Variants in TMEM229B observed in about 807,000 individuals in gnomAD.
TMEM229B encodes the protein chromosome 14 open reading frame 83.
TMEM229B carries 6 observed loss-of-function variants against 13.7 expected under a neutral mutation model. That is an observed-to-expected ratio of 0.44 (90% confidence interval 0.24 to 0.86). The LOEUF is 0.86. Among genes scored for constraint, TMEM229B ranks in the 40% least tolerant of loss-of-function variants. The pLI, the probability that TMEM229B is intolerant of heterozygous loss-of-function variation, is 0.23. For synonymous variants in TMEM229B, 107 were observed against 102.1 expected (o/e 1.05, Z -0.29); for missense variants, 170 against 236.0 (o/e 0.72, Z 1.83).
chr14:67,472,535 G>A lies in TMEM229B; in HGVS notation c.*885C>T, dbSNP rs12435581. Reference sequence around the variant, plus strand: ...CAGCCCACTAGACCGGGGGTAGGGAGGTGTAACTCAGGAACTCCCCAGGCA... The same window carrying A: ...CAGCCCACTAGACCGGGGGTAGGGAAGTGTAACTCAGGAACTCCCCAGGCA... On this transcript the variant is annotated 3_prime_UTR_variant, in exon 3 of 3. Coordinates refer to ENST00000554480, the MANE Select transcript of TMEM229B (RefSeq NM_001348543.2). 0.055 allele frequency: 8,436 copies of A among 152,422 alleles called. 320 individuals carry two copies. The highest frequency in any genetic ancestry group is 0.14 in the South Asian group (678 of 4,796). 9.4% of individuals were successfully genotyped at this position (152,422 alleles called of 1,614,324 possible).
intron 1 of TMEM229B, among the ~76,000 whole-genome samples, chr14:67,531,223 A>G (rs568422804): frequency 1.3e-5 from 2 of 152,116 alleles, no homozygotes; most frequent in South Asian, 2.1e-4. Context: ...CTGGGCTGCA[A>G]TGAGCTATGA....
In TMEM229B at chr14:67,473,876, A is replaced by T. The variant is rs762165590; in HGVS notation, c.48T>A (p.Tyr16Ter). The change falls in exon 3 of 3, where the codon TAT (tyrosine) becomes TAA (stop). Residue 16 changes from tyrosine (Y) to a stop codon, truncating the protein, a stop_gained. Coordinates refer to ENST00000554480, the MANE Select transcript of TMEM229B (RefSeq NM_001348543.2). LOFTEE classifies it high-confidence loss of function. The surrounding 1 kb of genome is among the most constrained non-coding windows in gnomAD (Gnocchi z 6.5). Reference sequence around the variant, plus strand: ...CCTCGCAGAAGTAGCCGTGGATGGCATACAGGTACCAGCGGGACAGCGCCG... The same window carrying T: ...CCTCGCAGAAGTAGCCGTGGATGGCTTACAGGTACCAGCGGGACAGCGCCG... ...PLTALSRWYL[Y>*]AIHGYFCEVM... is the part of the protein sequence containing the mutation. The T allele has an allele frequency of 6.2e-7, 1 of 1,611,842 alleles. No homozygotes were observed. Among genetic ancestry groups the T allele is most frequent in the South Asian group, 1.1e-5 (1 of 90,452 alleles).
intron 1 of TMEM229B, among the ~76,000 whole-genome samples, chr14:67,505,447 G>A (rs2032783415): frequency 6.6e-6 from 1 of 152,212 alleles, no homozygotes; most frequent in Non-Finnish European, 1.5e-5. Flanking sequence ...TTGGCCATCT[G>A]CTGTTGGAGG....
At chr14:67,497,015 C>T (rs1323284715) in intron 1 of TMEM229B, among the ~76,000 whole-genome samples, 1 of 151,934 alleles carries the variant, frequency 6.6e-6, no homozygotes, top group Non-Finnish European at 1.5e-5. Flanking sequence ...CCAGGCTGGT[C>T]TCCTGACCTC....
intron 1 of TMEM229B, among the ~76,000 whole-genome samples, chr14:67,496,880 C>T (rs2032411664): frequency 6.6e-6 from 1 of 151,966 alleles, no homozygotes; most frequent in Non-Finnish European, 1.5e-5. Flanking sequence ...TCACTGCAAC[C>T]TCTGCCTCCC....
intron 1 of TMEM229B, among the ~76,000 whole-genome samples, chr14:67,527,593 C>T (rs545049142): frequency 5.9e-5 from 9 of 152,294 alleles, no homozygotes; most frequent in South Asian, 2.1e-4. Context: ...GCTGTGTCCC[C>T]GGTGTGTTTT....
chr14:67,481,452 A>G (rs74058426), intron 2 of TMEM229B, among the ~76,000 whole-genome samples: 11,190 of 152,252 alleles, frequency 0.073, 550 homozygotes, highest in Middle Eastern at 0.14. Flanking sequence ...AACTAGGAGA[A>G]CATAGCTGGT....
intron 1 of TMEM229B, chr14:67,514,986 TC>T (rs2033155205): frequency 6.6e-6 from 1 of 152,222 alleles, no homozygotes; most frequent in African/African-American, 2.4e-5. Flanking sequence ...CCCCTCACCG[TC>T]CCCATCGCCC....
At chr14:67,497,265 C>T (rs2032428475) in intron 1 of TMEM229B, among the ~76,000 whole-genome samples, 1 of 152,086 alleles carries the variant, frequency 6.6e-6, no homozygotes, top group African/African-American at 2.4e-5. Flanking sequence ...GAGGTTAGGC[C>T]AGATGCATGT....
chr14:67,473,947 G>A lies in TMEM229B; in HGVS notation c.-18-6C>T, dbSNP rs747597847. The A allele has an allele frequency of 3.2e-6, 5 of 1,581,526 alleles. No homozygotes were observed. The South Asian group carries it at 5.8e-5, about 18-fold the overall frequency. ...ATGGCGCCGACTGGGGCTGGCTGCG[G>A]GGGGCGCAAGAGAGACAGGTGAGGG... On this transcript the variant is annotated splice_region_variant and splice_polypyrimidine_tract_variant and intron_variant, in intron 2 of 2. Coordinates refer to ENST00000554480, the MANE Select transcript of TMEM229B (RefSeq NM_001348543.2). This position sits in a 1 kb window ranked among gnomAD's most constrained non-coding sequence, Gnocchi z 6.5.
chr14:67,479,189 T>C (rs2031421329), intron 2 of TMEM229B, among the ~76,000 whole-genome samples: 1 of 151,422 alleles, frequency 6.6e-6, no homozygotes, highest in African/African-American at 2.4e-5. Flanking sequence ...GGGTGGATCA[T>C]GAGGTCAGGA....
At chr14:67,495,822 C>T (rs1017100019) in intron 1 of TMEM229B, among the ~76,000 whole-genome samples, 2 of 152,198 alleles carry the variant, frequency 1.3e-5, no homozygotes, top group African/African-American at 4.8e-5. Context: ...CCTAAAGTTA[C>T]ATGCTATTCC....
intron 1 of TMEM229B, among the ~76,000 whole-genome samples, chr14:67,509,748 T>C (rs1404185853): frequency 6.6e-6 from 1 of 152,222 alleles, no homozygotes; most frequent in South Asian, 2.1e-4. Context: ...GGCTTATCCC[T>C]GTAATCCCAG....
chr14:67,484,841 G>A (rs2031784567), intron 2 of TMEM229B, among the ~76,000 whole-genome samples: 1 of 152,130 alleles, frequency 6.6e-6, no homozygotes, highest in South Asian at 2.1e-4. Context: ...TTTCCTATGT[G>A]TGTATTTTAC....
chr14:67,525,239 T>C (rs1159895492), intron 1 of TMEM229B, among the ~76,000 whole-genome samples: 4 of 152,166 alleles, frequency 2.6e-5, no homozygotes, highest in Non-Finnish European at 5.9e-5. Context: ...TAAATATACA[T>C]ATAGTTATAT....
chr14:67,503,155 G>A lies in TMEM229B; in HGVS notation c.-192+11931C>T, dbSNP rs140704442. On this transcript the variant is annotated intron_variant, in intron 1 of 2. Transcript: ENST00000357461. The stretch of plus-strand genomic sequence containing the variant: ...GTTGTTCACTGTCCTTTGCATAAAA[G>A]CACATAATAATTGTGACCTGGTGAC... 1.5e-3 allele frequency among the ~76,000 whole-genome samples: 222 copies of A among 152,284 alleles called. 2 individuals carry two copies. The highest frequency in any genetic ancestry group is 5.0e-3 in the African/African-American group (208 of 41,560).
At chr14:67,495,963 C>T (rs117603520) in intron 1 of TMEM229B, among the ~76,000 whole-genome samples, 3,067 of 152,310 alleles carry the variant, frequency 0.02, 55 homozygotes, top group Admixed American at 0.045. Context: ...AAAGCAAAGC[C>T]CTCAGACACA....
intron 1 of TMEM229B, among the ~76,000 whole-genome samples, chr14:67,499,028 G>A (rs1453828794): frequency 9.0e-6 from 1 of 111,548 alleles, no homozygotes; most frequent in African/African-American, 2.9e-5. Context: ...TTAGAAACAA[G>A]GTCTTGCTCT....
chr14:67,489,275 T>C (rs2032054680), upstream of TMEM229B, among the ~76,000 whole-genome samples: 1 of 152,172 alleles, frequency 6.6e-6, no homozygotes. Context: ...CAAATCCCAG[T>C]CCTCAGCCTC....
Sources: allele counts gnomAD v4.1 joint callset (sites outside exome capture counted in the v4.1 genomes callset), GRCh38; gene constraint gnomAD v4.1.1; non-coding constraint Gnocchi (gnomAD v3.1); transcripts MANE v1.5; gene names NCBI Gene and HGNC (gene_info 2026-07-23, HGNC 2026-07-21).